The following ADAD1 variants were observed in gnomAD, a reference collection of about 807,000 sequenced individuals.
ADAD1 encodes adenosine deaminase domain-containing protein 1.
ADAD1 carries 46 observed loss-of-function variants against 66.8 expected under a neutral mutation model. That is an observed-to-expected ratio of 0.69 (90% CI 0.54 to 0.88). The LOEUF (loss-of-function observed/expected upper bound fraction) is 0.88. Among genes scored for constraint, ADAD1 ranks in the 40% least tolerant of loss-of-function variants. The pLI is 0.00. For missense variants in ADAD1, 617 were observed against 681.8 expected (o/e 0.91, Z 1.06); for synonymous variants, 248 against 229.4 (o/e 1.08, Z -0.73).
chr4:122,395,090 G>A (rs187554343), intron 6 of ADAD1, among the ~76,000 whole-genome samples: 136 of 151,970 alleles, frequency 8.9e-4, no homozygotes, highest in Non-Finnish European at 1.6e-3. Flanking sequence ...TGCTCTTGTC[G>A]CCCAGGCTGG....
chr4:122,394,087 A>AC (rs771611308), intron 6 of ADAD1, among the ~76,000 whole-genome samples: 32 of 152,112 alleles, frequency 2.1e-4, no homozygotes, highest in Non-Finnish European at 3.8e-4. Context: ...TAGTTGTGTG[A>AC]CCTAGGACCA....
At chr4:122,412,499 C>A in intron 9 of ADAD1, 81 bp from the exon 10 acceptor site, 1 of 1,153,194 alleles carries the variant, frequency 8.7e-7, no homozygotes, top group Non-Finnish European at 1.2e-6. Context: ...AAACATGTTA[C>A]AGAACAGCTG....
intron 2 of ADAD1, 77 bp from the exon 3 acceptor site, chr4:122,379,985 G>A (rs770580458): frequency 5.1e-6 from 7 of 1,374,298 alleles, no homozygotes; most frequent in East Asian, 4.8e-5. Flanking sequence ...ATAATGGGGG[G>A]GTGGGGTTTG....
At chr4:122,388,808 G>GA (rs958933476) in intron 5 of ADAD1, among the ~76,000 whole-genome samples, 2 of 151,308 alleles carry the variant, frequency 1.3e-5, no homozygotes, top group South Asian at 4.2e-4. Context: ...TTGTTTCAAA[G>GA]AAAAAAAACA....
chr4:122,415,691 A>T, intron 11 of ADAD1, 75 bp downstream of exon 11: 1 of 1,235,482 alleles, frequency 8.1e-7, no homozygotes, highest in Non-Finnish European at 1.2e-6. Flanking sequence ...TTTTATTCTG[A>T]CTCTTTTGGA....
chr4:122,393,677 C>A lies in ADAD1; in HGVS notation c.598+20C>A. On this transcript the variant is annotated intron_variant, in intron 6 of 12. Coordinates refer to ENST00000296513, the MANE Select transcript of ADAD1 (RefSeq NM_139243.4). Reference sequence around the variant, plus strand: ...ATTATGGTAGGAAAGTTTTTTGTGACGTTCTTCTTTAGAAGAGTAGCCCAA... The same window carrying A: ...ATTATGGTAGGAAAGTTTTTTGTGAAGTTCTTCTTTAGAAGAGTAGCCCAA... The A allele has an allele frequency of 6.4e-7, 1 of 1,556,800 alleles. No homozygotes were observed. Among genetic ancestry groups the A allele is most frequent in the Non-Finnish European group, 8.7e-7 (1 of 1,147,908 alleles).
chr4:122,406,321 A>G (rs1280005521), intron 7 of ADAD1, among the ~76,000 whole-genome samples: 1 of 152,138 alleles, frequency 6.6e-6, no homozygotes, highest in Non-Finnish European at 1.5e-5. Context: ...GTGATTAGTG[A>G]TGTTGAGCAC....
intron 7 of ADAD1, among the ~76,000 whole-genome samples, chr4:122,403,624 G>A (rs1012277204): frequency 6.6e-6 from 1 of 152,142 alleles, no homozygotes; most frequent in African/African-American, 2.4e-5. Flanking sequence ...TTGGCCTCCA[G>A]TCAGGAGGTG....
Position 122,416,021 on chromosome 4 carries a change from T to G in ADAD1, c.1487+405T>G, listed in dbSNP as rs1370282505. ...TGGATCTGGGACTCAGGAATTATAT[T>G]TTTTTATGCTCTTCCAAATATTACT... On this transcript the variant is annotated intron_variant, in intron 11 of 12. Coordinates refer to ENST00000296513, the MANE Select transcript of ADAD1 (RefSeq NM_139243.4). Among the ~76,000 whole-genome samples, 3 of 152,274 alleles carry G rather than the reference T, an allele frequency of 2.0e-5. No homozygotes were observed. In the East Asian group the frequency reaches 5.8e-4, roughly 29 times the overall value.
At chr4:122,399,930 G>A (rs1029323935) in intron 7 of ADAD1, among the ~76,000 whole-genome samples, 15 of 151,766 alleles carry the variant, frequency 9.9e-5, no homozygotes, top group Non-Finnish European at 2.1e-4. Context: ...CTAGATATGC[G>A]ATCATACCAT....
chr4:122,399,740 CTT>C (rs145100591), intron 7 of ADAD1, among the ~76,000 whole-genome samples: 99 of 110,500 alleles, frequency 9.0e-4, no homozygotes, highest in Middle Eastern at 5.2e-3. Context: ...ATTTTCTTTT[CTT>C]TTTTTTTTTT....
At chr4:122,422,788 C>G (rs558420465) in intron 12 of ADAD1, among the ~76,000 whole-genome samples, 1 of 151,760 alleles carries the variant, frequency 6.6e-6, no homozygotes, top group East Asian at 1.9e-4. Context: ...GTGTATTCCT[C>G]ACAAACTCTT....
chr4:122,384,420 A>T (rs1795061918), intron 5 of ADAD1, among the ~76,000 whole-genome samples: 1 of 152,184 alleles, frequency 6.6e-6, no homozygotes, highest in Non-Finnish European at 1.5e-5. Flanking sequence ...TCGATTGCTC[A>T]GGTTGGAATA....
chr4:122,404,686 A>T (rs908385456), intron 7 of ADAD1, among the ~76,000 whole-genome samples: 2 of 152,104 alleles, frequency 1.3e-5, no homozygotes, highest in African/African-American at 4.8e-5. Flanking sequence ...TGGAAGCTGC[A>T]TGTTAGTCCT....
At chr4:122,394,048 G>A (rs1161370729) in intron 6 of ADAD1, among the ~76,000 whole-genome samples, 1 of 151,962 alleles carries the variant, frequency 6.6e-6, no homozygotes, top group Non-Finnish European at 1.5e-5. Flanking sequence ...ACTCAAGCCC[G>A]AGAAAGCTGC....
rs111505135 is a variant in ADAD1, at chr4:122,400,137, T to C, written c.724+3760T>C. Among the ~76,000 whole-genome samples the C allele has an allele frequency of 3.7e-3, 560 of 152,276 alleles. 4 individuals carry two copies. The highest frequency in any genetic ancestry group is 0.013 in the African/African-American group (529 of 41,572). On this transcript the variant is annotated intron_variant, in intron 7 of 12. Coordinates refer to ENST00000296513, the MANE Select transcript of ADAD1 (RefSeq NM_139243.4). ...TCCCTGTTCAGTATAATGTTGGCTG[T>C]GTGTTAGTCATAGATGGCTTTTATT...
intron 10 of ADAD1, among the ~76,000 whole-genome samples, chr4:122,413,453 A>C (rs1796563380): frequency 6.6e-6 from 1 of 152,158 alleles, no homozygotes. Context: ...TTTCTTGACT[A>C]TTAAAAAATA....
rs139626702 is a variant in ADAD1 at position 122,380,231 on chromosome 4, G to T, written c.162G>T (p.Thr54=). 7 of 1,607,584 alleles carry T rather than the reference G, an allele frequency of 4.4e-6. No homozygotes were observed. The East Asian group carries it at 1.3e-4, about 31-fold the overall frequency. The change falls in exon 3 of 13, where the codon ACG becomes ACT. Residue 54 remains threonine, a synonymous_variant. Transcript: ENST00000296513. ...YGLSKMASKV[T]QVTGNFPEPL... ...TGTCCAAGATGGCATCCAAGGTTACGCAAGTAACGGGTACGACTTTTTTCA... is the reference window on the plus strand; with the variant it reads ...TGTCCAAGATGGCATCCAAGGTTACTCAAGTAACGGGTACGACTTTTTTCA...
At chr4:122,409,436 A>G (rs186705175) in intron 8 of ADAD1, among the ~76,000 whole-genome samples, 104 of 152,092 alleles carry the variant, frequency 6.8e-4, no homozygotes, top group Non-Finnish European at 2.2e-4. Context: ...TATAGCGTTC[A>G]TAAGCTATTT....
Sources: gnomAD v4.1 joint callset for allele counts (sites outside exome capture counted in the v4.1 genomes callset) on GRCh38, gnomAD v4.1.1 for gene constraint, MANE v1.5 for transcripts, NCBI Gene and HGNC (gene_info 2026-07-23, HGNC 2026-07-21) for gene names.